The following ABCC9 variants were observed in gnomAD, a reference collection of about 807,000 sequenced individuals.
ABCC9 encodes the protein ATP-binding cassette sub-family C member 9.
In ABCC9, 95 loss-of-function variants were observed where a neutral mutation model predicts 188.3. That is an observed-to-expected ratio of 0.50 (90% confidence interval 0.43 to 0.60). ABCC9 has a LOEUF of 0.60. Among genes scored for constraint, ABCC9 ranks in the 20% least tolerant of loss-of-function variants. ABCC9 has a pLI of 0.00. For missense variants in ABCC9, 1,102 were observed against 1,876.3 expected, an observed-to-expected ratio of 0.59 and a Z score of 7.62; for synonymous variants, 659 against 652.7, an observed-to-expected ratio of 1.01 and a Z score of -0.15.
rs17846793 is a variant in ABCC9 at position 21,887,552 on chromosome 12, A to G, written c.1911+274T>C. On this transcript the variant is annotated intron_variant, in intron 15 of 39. Coordinates refer to ENST00000261200, the MANE Select transcript of ABCC9 (RefSeq NM_020297.4). ...AGTAAGCTTATTTGGTGTTATTTTT[A>G]TATACATTTGGAGTAAGCAAACTCT... Among the ~76,000 whole-genome samples, 36 of 152,288 alleles carry G rather than the reference A, an allele frequency of 2.4e-4. No homozygotes were observed. The East Asian group carries it at 5.8e-3, about 24-fold the overall frequency.
chr12:21,898,152 T>C (rs920488298), intron 12 of ABCC9, among the ~76,000 whole-genome samples: 1 of 152,148 alleles, frequency 6.6e-6, no homozygotes, highest in Non-Finnish European at 1.5e-5. Flanking sequence ...AGTGAGACCT[T>C]GTCTCAAACA....
At chr12:21,845,393 T>C (rs1944603066) in intron 26 of ABCC9, among the ~76,000 whole-genome samples, 2 of 152,192 alleles carry the variant, frequency 1.3e-5, no homozygotes, top group African/African-American at 4.8e-5. Flanking sequence ...ATATTTCTTA[T>C]GATAAACTTT....
At chr12:21,842,293 G>A in intron 29 of ABCC9, 21 bp downstream of exon 29, 1 of 1,611,150 alleles carries the variant, frequency 6.2e-7, no homozygotes. Flanking sequence ...TTGAAAATGA[G>A]TGGGATGCTG....
At chr12:21,883,293 A>C (rs112969159) in intron 15 of ABCC9, among the ~76,000 whole-genome samples, 178 of 152,308 alleles carry the variant, frequency 1.2e-3, no homozygotes, top group African/African-American at 4.1e-3. Context: ...GGAGGGACCT[A>C]GTGGGAGGTA....
chr12:21,836,360 G>A (rs1270318969), intron 30 of ABCC9, among the ~76,000 whole-genome samples: 3 of 152,068 alleles, frequency 2.0e-5, no homozygotes, highest in East Asian at 3.9e-4. Flanking sequence ...AAGCCTCATC[G>A]CCACAGACAG....
Position 21,800,971 on chromosome 12 carries a change from G to A in ABCC9, c.*73C>T, listed in dbSNP as rs913054111. The A allele has an allele frequency of 2.0e-5, 32 of 1,577,444 alleles. No individual in the cohort carries two copies. In the East Asian group the frequency reaches 4.9e-4, roughly 24 times the overall value. The stretch of plus-strand genomic sequence containing the variant: ...AGTTTTAAGATGCCACTTTACAGAG[G>A]TCAAGCTGATGATCCATTAATTAGG... On this transcript the variant is annotated 3_prime_UTR_variant, in exon 40 of 40. Transcript: ENST00000261200.
intron 12 of ABCC9, among the ~76,000 whole-genome samples, chr12:21,902,845 T>C (rs188125428): frequency 5.3e-5 from 8 of 152,240 alleles, no homozygotes; most frequent in Admixed American, 4.6e-4. Flanking sequence ...GATTCACAGC[T>C]GAATTCTACC....
At chr12:21,847,074 T>C (rs1043115471) in intron 25 of ABCC9, among the ~76,000 whole-genome samples, 26 of 152,210 alleles carry the variant, frequency 1.7e-4, no homozygotes, top group Middle Eastern at 3.4e-3. Flanking sequence ...AACAAACTAA[T>C]AAGTAATATG....
rs1949655521 is a variant in ABCC9, at chr12:21,940,764, T to G, written c.-75A>C. 1 of 152,132 alleles carries G rather than the reference T, an allele frequency of 6.6e-6. No individual in the cohort carries two copies. Among genetic ancestry groups the G allele is most frequent in the Admixed American group, 6.5e-5 (1 of 15,286 alleles). The allele number at this position is 152,132 out of a possible 1,614,324, so 9.4% of individuals were successfully genotyped here. On this transcript the variant is annotated 5_prime_UTR_variant, in exon 2 of 40. Transcript: ENST00000261200. ...CCCCTGCCGGTGCACTTGAGCTACC[T>G]TCAAAACACCGACTTCCTACACTGT... is the stretch of plus-strand genomic sequence containing the variant.
rs776973456 is a variant in ABCC9, at chr12:21,838,087, C to T, written c.3557G>A (p.Arg1186Gln). 4.3e-6 allele frequency: 7 copies of T among 1,613,322 alleles called. No individual in the cohort carries two copies. In the Admixed American group the frequency reaches 5.0e-5, roughly 12 times the overall value. Residue 1186 changes from arginine to glutamine, a missense_variant, in exon 30 of 40, where the codon CGG becomes CAG. By Grantham distance (43) the Arg-to-Gln change is conservative. Coordinates refer to ENST00000261200, the MANE Select transcript of ABCC9 (RefSeq NM_020297.4). ...SETAEGLTTIRAFRHETRFKQ... is the reference protein window; with the variant it reads ...SETAEGLTTIQAFRHETRFKQ... ...AAATGTGTTTACTCACCTAAAGGCCCGAATGGTGGTGAGTCCTTCTGCTGT... is the reference window on the plus strand; with the variant it reads ...AAATGTGTTTACTCACCTAAAGGCCTGAATGGTGGTGAGTCCTTCTGCTGT...
At chr12:21,899,455 C>G (rs974654243) in intron 12 of ABCC9, among the ~76,000 whole-genome samples, 3 of 152,094 alleles carry the variant, frequency 2.0e-5, no homozygotes, top group African/African-American at 7.2e-5. Context: ...GCTTGTTGGA[C>G]AGTGGGTGCA....
intron 6 of ABCC9, among the ~76,000 whole-genome samples, chr12:21,916,237 T>A (rs1948599454): frequency 6.6e-6 from 1 of 152,180 alleles, no homozygotes; most frequent in South Asian, 2.1e-4. Flanking sequence ...TTTACTTTGT[T>A]TAGATTTTAA....
intron 30 of ABCC9, among the ~76,000 whole-genome samples, chr12:21,837,040 A>T (rs1254654675): frequency 6.6e-6 from 1 of 152,152 alleles, no homozygotes; most frequent in Non-Finnish European, 1.5e-5. Context: ...TTCGGTACTC[A>T]AATGTTTCTT....
rs990748599 is a variant in ABCC9, at chr12:21,940,771, C to T, written c.-82G>A. 3 of 152,336 alleles carry T rather than the reference C, an allele frequency of 2.0e-5. No homozygotes were observed. Among genetic ancestry groups the T allele is most frequent in the African/African-American group, 7.2e-5 (3 of 41,574 alleles). 9.4% of individuals were successfully genotyped at this position (152,336 alleles called of 1,614,324 possible). On this transcript the variant is annotated 5_prime_UTR_variant, in exon 2 of 40. Coordinates refer to ENST00000261200, the MANE Select transcript of ABCC9 (RefSeq NM_020297.4). Reference sequence around the variant, plus strand: ...CGGTGCACTTGAGCTACCTTCAAAACACCGACTTCCTACACTGTCTTAAGA... The same window carrying T: ...CGGTGCACTTGAGCTACCTTCAAAATACCGACTTCCTACACTGTCTTAAGA...
intron 22 of ABCC9, among the ~76,000 whole-genome samples, chr12:21,853,641 T>C (rs1945079541): frequency 6.6e-6 from 1 of 152,194 alleles, no homozygotes; most frequent in Admixed American, 6.5e-5. Flanking sequence ...ATATATTTCA[T>C]ACCTAAAATG....
At chr12:21,871,493 G>T (rs1176922762) in intron 18 of ABCC9, among the ~76,000 whole-genome samples, 1 of 152,040 alleles carries the variant, frequency 6.6e-6, no homozygotes, top group East Asian at 1.9e-4. Flanking sequence ...TCACAACCAA[G>T]AATTTTTTTT....
intron 5 of ABCC9, among the ~76,000 whole-genome samples, chr12:21,918,190 A>G (rs2137938640): frequency 1.3e-5 from 2 of 152,284 alleles, no homozygotes; most frequent in Admixed American, 1.3e-4. Flanking sequence ...CGACTTCAAG[A>G]CAATTATTAT....
At chr12:21,856,486 A>C (rs1375451984) in intron 22 of ABCC9, among the ~76,000 whole-genome samples, 2 of 137,268 alleles carry the variant, frequency 1.5e-5, no homozygotes, top group African/African-American at 5.5e-5. Flanking sequence ...GCACATTTGC[A>C]GATGCAATGA....
At chr12:21,914,509 C>T (rs1212147435) in intron 7 of ABCC9, among the ~76,000 whole-genome samples, 3 of 152,118 alleles carry the variant, frequency 2.0e-5, no homozygotes, top group African/African-American at 7.2e-5. Context: ...ACTATAGAAG[C>T]TAAATTTTAG....
Sources: gnomAD v4.1 joint callset for allele counts (sites outside exome capture counted in the v4.1 genomes callset) on GRCh38, gnomAD v4.1.1 for gene constraint, MANE v1.5 for transcripts, NCBI Gene and HGNC (gene_info 2026-07-23, HGNC 2026-07-21) for gene names.